Variants in ABR observed in about 807,000 individuals in gnomAD.
ABR encodes the protein active breakpoint cluster region-related protein.
A neutral mutation model predicts 107.2 loss-of-function variants in ABR; 35 were observed. That is an observed-to-expected ratio of 0.33 (90% CI 0.25 to 0.43). The LOEUF is 0.43. ABR is among the 20% of genes least tolerant of loss of function. ABR has a pLI of 1.00. For missense variants in ABR, 815 were observed against 1,115.2 expected, an observed-to-expected ratio of 0.73 and a Z score of 3.83; for synonymous variants, 498 against 462.0, an observed-to-expected ratio of 1.08 and a Z score of -1.00.
chr17:1,008,773 G>A (rs1453895617), intron 21 of ABR, among the ~76,000 whole-genome samples: 3 of 152,182 alleles, frequency 2.0e-5, no homozygotes, highest in Non-Finnish European at 4.4e-5. Context: ...GGGCTCCCCG[G>A]TCCTGGCGTG....
chr17:1,025,549 G>A (rs898781236), intron 16 of ABR, among the ~76,000 whole-genome samples: 2 of 152,126 alleles, frequency 1.3e-5, no homozygotes, highest in Non-Finnish European at 2.9e-5. Context: ...CTGACCCCAC[G>A]TAACGCCCCA....
At chr17:1,079,750 T>C (rs1214100912) in intron 5 of ABR, among the ~76,000 whole-genome samples, 2 of 122,566 alleles carry the variant, frequency 1.6e-5, no homozygotes, top group African/African-American at 6.1e-5. Flanking sequence ...GATCACACCA[T>C]TGCACTCCAG....
chr17:1,010,793 G>A lies in ABR; in HGVS notation c.2172C>T (p.Tyr724=), dbSNP rs1159238461. ...GGAGCGGCTCGGGCAGTTCCCGGAA[G>A]TACAGCTTGAGCGTCCCGGCGATGG... is the stretch of plus-strand genomic sequence containing the variant. ...INAIAGTLKL[Y]FRELPEPLLT... Residue 724 remains tyrosine, a synonymous_variant, in exon 20 of 23, where the codon TAC becomes TAT. Transcript: ENST00000302538. This position sits in a 1 kb window ranked among gnomAD's most constrained non-coding sequence, Gnocchi z 4.1. 2 of 1,613,828 alleles carry A rather than the reference G, an allele frequency of 1.2e-6. No individual in the cohort carries two copies. Among genetic ancestry groups the A allele is most frequent in the East Asian group, 4.5e-5 (2 of 44,878 alleles).
Position 1,016,470 on chromosome 17 carries a change from C to A in ABR, c.1792-3306G>T, listed in dbSNP as rs532938766. ...TAGCTGGGATTACAGGTGCCTGCCACCACGCCCAGCTAATTTTTTATTTGT... is the reference window on the plus strand; with the variant it reads ...TAGCTGGGATTACAGGTGCCTGCCAACACGCCCAGCTAATTTTTTATTTGT... On this transcript the variant is annotated intron_variant, in intron 16 of 22. Transcript: ENST00000302538. Among the ~76,000 whole-genome samples, 8 of 152,096 alleles carry A rather than the reference C, an allele frequency of 5.3e-5. No homozygotes were observed. In the South Asian group the frequency reaches 8.3e-4, roughly 16 times the overall value.
At chr17:1,081,435 C>A (rs1387582280) in intron 5 of ABR, among the ~76,000 whole-genome samples, 1 of 152,156 alleles carries the variant, frequency 6.6e-6, no homozygotes, top group Non-Finnish European at 1.5e-5. Context: ...TCCTCCCAGG[C>A]AGAGGGTGAC....
At chr17:1,206,251 G>T (rs1026677087) in intron 1 of ABR, among the ~76,000 whole-genome samples, 1 of 152,218 alleles carries the variant, frequency 6.6e-6, no homozygotes. Flanking sequence ...ACACTGATGC[G>T]TTTATAGTGT....
At chr17:1,153,021 G>A (rs55955882) in intron 1 of ABR, among the ~76,000 whole-genome samples, 13,811 of 152,038 alleles carry the variant, frequency 0.091, 1,163 homozygotes, top group African/African-American at 0.23. Flanking sequence ...CCAATGAGCC[G>A]AGATTGCACC....
At chr17:1,063,956 C>A (rs1350883205) in intron 10 of ABR, among the ~76,000 whole-genome samples, 2 of 148,286 alleles carry the variant, frequency 1.3e-5, no homozygotes, top group African/African-American at 5.0e-5. Flanking sequence ...GTTATGTGAA[C>A]TGAGGGCTAT....
rs552531316 is a variant in ABR at position 1,030,803 on chromosome 17, G to A, written c.1792-17639C>T. Among the ~76,000 whole-genome samples, 4 of 152,354 alleles carry A rather than the reference G, an allele frequency of 2.6e-5. No individual in the cohort carries two copies. In the East Asian group the frequency reaches 7.7e-4, roughly 29 times the overall value. The stretch of plus-strand genomic sequence containing the variant: ...GTTGCTCTCTTGATGGATGGGCCCA[G>A]CCCTGGCCAGCCGGACTGGCACTCT... On this transcript the variant is annotated intron_variant, in intron 16 of 22. Coordinates refer to ENST00000302538, the MANE Select transcript of ABR (RefSeq NM_021962.5).
chr17:1,076,419 GA>G (rs549782467), intron 6 of ABR, among the ~76,000 whole-genome samples: 222 of 152,092 alleles, frequency 1.5e-3, no homozygotes, highest in Non-Finnish European at 2.6e-3. Context: ...TCTTCAGGGG[GA>G]AAAAATCACA....
chr17:1,213,250 C>T (rs183274349), intron 1 of ABR, among the ~76,000 whole-genome samples: 42 of 152,260 alleles, frequency 2.8e-4, no homozygotes, highest in African/African-American at 3.6e-4. Flanking sequence ...AACACTGTGC[C>T]GGCCATTAAT....
At chr17:1,061,327 G>T (rs1001850571) in intron 10 of ABR, among the ~76,000 whole-genome samples, 10 of 152,180 alleles carry the variant, frequency 6.6e-5, no homozygotes, top group Non-Finnish European at 2.9e-5. Context: ...GCAGGGCCCA[G>T]CCGTTCAGGA....
chr17:1,020,292 A>G (rs909827905), intron 16 of ABR, among the ~76,000 whole-genome samples: 1 of 152,202 alleles, frequency 6.6e-6, no homozygotes. Flanking sequence ...CGTGTTGGCC[A>G]GGCTGGTCTC....
At chr17:1,083,395 GGCTAA>G in intron 5 of ABR, 120 bp downstream of exon 5, 1 of 551,760 alleles carries the variant, frequency 1.8e-6, no homozygotes, top group Non-Finnish European at 3.3e-6. Flanking sequence ...GCAAATATCA[GGCTAA>G]GTGTTACCCA....
intron 1 of ABR, among the ~76,000 whole-genome samples, chr17:1,199,925 CTTTT>C (rs11442804): frequency 3.4e-5 from 5 of 147,092 alleles, no homozygotes; most frequent in African/African-American, 1.2e-4. Context: ...GCTCTTTTTT[CTTTT>C]TTTTTTTATT....
Position 1,148,612 on chromosome 17 carries a change from C to T in ABR, c.62-23245G>A, listed in dbSNP as rs182416740. Among the ~76,000 whole-genome samples the T allele has an allele frequency of 4.6e-5, 7 of 152,328 alleles. No individual in the cohort carries two copies. The highest frequency in any genetic ancestry group is 7.2e-5 in the African/African-American group (3 of 41,574). ...CCGAGCAGCAGCGGCATTAGGTTCT[C>T]GTAGGAGCGTGAGCCCTGTCGTGAT... On this transcript the variant is annotated intron_variant, in intron 1 of 22. Transcript: ENST00000302538. This position sits in a 1 kb window ranked among gnomAD's most constrained non-coding sequence, Gnocchi z 4.9.
intron 16 of ABR, among the ~76,000 whole-genome samples, chr17:1,018,732 C>T (rs770436416): frequency 7.2e-5 from 11 of 152,206 alleles, no homozygotes; most frequent in Non-Finnish European, 1.2e-4. Context: ...ACCTGACTCA[C>T]AGGGCTGTTA....
chr17:1,162,892 T>G (rs1252651554), intron 1 of ABR, among the ~76,000 whole-genome samples: 1 of 152,132 alleles, frequency 6.6e-6, no homozygotes, highest in African/African-American at 2.4e-5. Context: ...GCCAACATGG[T>G]GAAACCCCGT....
Position 1,213,671 on chromosome 17 carries a change from G to T in ABR, c.838+15122C>A, listed in dbSNP as rs183898342. ...CTCCGAAAGTGCTGGGATTACAGGC[G>T]TGAGGCACCACGCCCGGCCAAAGGT... On this transcript the variant is annotated intron_variant, in intron 1 of 22. Coordinates refer to the ABR transcript ENST00000574139. 1.2e-3 allele frequency among the ~76,000 whole-genome samples: 180 copies of T among 151,646 alleles called. 1 individual carries two copies. Among genetic ancestry groups the T allele is most frequent in the South Asian group, 3.6e-3 (17 of 4,788 alleles).
Sources: gnomAD v4.1 joint callset for allele counts (sites outside exome capture counted in the v4.1 genomes callset) on GRCh38, gnomAD v4.1.1 for gene constraint, Gnocchi (gnomAD v3.1) non-coding constraint, MANE v1.5 for transcripts, NCBI Gene and HGNC (gene_info 2026-07-23, HGNC 2026-07-21) for gene names.